Variants in HPS4 observed in about 807,000 individuals in gnomAD.
HPS4 encodes HPS4 biogenesis of lysosomal organelles complex 3 subunit 2, also known as BLOC-3 complex member HPS4.
Under a neutral mutation model 70.3 loss-of-function variants are expected in HPS4, and 44 were observed. That is an observed-to-expected ratio of 0.63 (90% CI 0.49 to 0.80). The LOEUF (loss-of-function observed/expected upper bound fraction) is 0.80, where lower values mean the gene tolerates loss of function less well. Ranked by LOEUF, HPS4 falls within the 30% of genes least tolerant of loss-of-function variation. The probability of loss-of-function intolerance (pLI) is 0.00; values close to 1 mark genes in which losing one functional copy is unlikely to be tolerated. For missense variants in HPS4, 873 were observed against 884.4 expected, an observed-to-expected ratio of 0.99 and a Z score of 0.16; for synonymous variants, 377 against 355.9, an observed-to-expected ratio of 1.06 and a Z score of -0.67.
chr22:26,447,545 T>A (rs148045020), downstream of HPS4, among the ~76,000 whole-genome samples: 4 of 152,244 alleles, frequency 2.6e-5, no homozygotes, highest in East Asian at 7.7e-4. Context: ...AGGTGCTCCA[T>A]ACACATTGTC....
Position 26,483,762 on chromosome 22 carries a change from T to C in HPS4, c.-567A>G, listed in dbSNP as rs991319294. On this transcript the variant is annotated 5_prime_UTR_variant, in exon 1 of 14. Coordinates refer to ENST00000398145, the MANE Select transcript of HPS4 (RefSeq NM_022081.6). ...CTGGGTACCTGCGACTTCTGCCCCG[T>C]ACCTGCGCGCGCGGCAGAGAGGCCT... 22 of 590,296 alleles carry C rather than the reference T, an allele frequency of 3.7e-5. No homozygotes were observed. Among genetic ancestry groups the C allele is most frequent in the African/African-American group, 3.5e-4 (18 of 50,806 alleles). 36.6% of individuals were successfully genotyped at this position (590,296 alleles called of 1,614,324 possible).
At chr22:26,480,637 C>T (rs868510707) in intron 2 of HPS4, among the ~76,000 whole-genome samples, 1 of 152,106 alleles carries the variant, frequency 6.6e-6, no homozygotes, top group Non-Finnish European at 1.5e-5. Context: ...ACCAACTTGG[C>T]TGGGCACAGT....
chr22:26,444,223 C>T (rs374138251), downstream of HPS4: 255 of 147,226 alleles, frequency 1.7e-3, 1 homozygote, highest in African/African-American at 6.2e-3. Context: ...GTTCTGTTGC[C>T]TATGTTTTTT....
intron 4 of HPS4, chr22:26,475,457 A>C (rs1368796973): frequency 3.4e-5 from 5 of 147,150 alleles, no homozygotes; most frequent in African/African-American, 1.3e-4. Flanking sequence ...GGTTCAAGAG[A>C]GTCTCCTGCC....
chr22:26,446,180 A>G (rs1465083447), downstream of HPS4, among the ~76,000 whole-genome samples: 2 of 152,164 alleles, frequency 1.3e-5, no homozygotes, highest in Non-Finnish European at 2.9e-5. Context: ...CTTCCACCCG[A>G]GACAGGCTGG....
downstream of HPS4, among the ~76,000 whole-genome samples, chr22:26,449,959 C>T (rs953480150): frequency 1.3e-5 from 2 of 152,196 alleles, no homozygotes; most frequent in East Asian, 3.8e-4. Flanking sequence ...CCACTTCTTG[C>T]CTTTTCTGGC....
intron 11 of HPS4, among the ~76,000 whole-genome samples, chr22:26,459,864 C>A (rs2146416370): frequency 6.6e-6 from 1 of 152,292 alleles, no homozygotes; most frequent in Middle Eastern, 3.4e-3. Flanking sequence ...TGAAAATAAT[C>A]ATATAAAAGA....
rs1259456937 is a variant in HPS4, at chr22:26,452,003, C to T, written c.*1230G>A. On this transcript the variant is annotated 3_prime_UTR_variant, in exon 14 of 14. Transcript: ENST00000398145. ...CCCACGTTACGCGCGCGCGCGCGCG[C>T]GCACACACACACACACACACACACA... The T allele has an allele frequency of 1.5e-4, 14 of 91,658 alleles. No homozygotes were observed. Among genetic ancestry groups the T allele is most frequent in the East Asian group, 1.3e-3 (6 of 4,596 alleles). The allele number at this position is 91,658 out of a possible 1,614,324, so 5.7% of individuals were successfully genotyped here.
intron 7 of HPS4, 37 bp from the exon 8 acceptor site, chr22:26,468,660 C>A: frequency 6.4e-7 from 1 of 1,573,542 alleles, no homozygotes; most frequent in Non-Finnish European, 8.7e-7. Context: ...CACCATGAGA[C>A]GAAATACACC....
At position 26,472,932 on chromosome 22, in the gene HPS4, C is replaced by T. The variant is rs1217509708; in HGVS notation, c.284G>A (p.Gly95Asp). ...KVDGDYLWVL[G>D]CAVELPDVSC... ...GACATCAGGGAGCTCCACAGCACAG[C>T]CCAGCACCTGTAAAGAGAGAAACCA... Residue 95 changes from glycine to aspartate, a missense_variant, in exon 5 of 14, where the codon GGC becomes GAC. Physicochemically the swap from Gly to Asp is moderately conservative, Grantham distance 94. Coordinates refer to ENST00000398145, the MANE Select transcript of HPS4 (RefSeq NM_022081.6). 6.2e-7 allele frequency: 1 copy of T among 1,614,066 alleles called. No homozygotes were observed. Among genetic ancestry groups the T allele is most frequent in the South Asian group, 1.1e-5 (1 of 91,082 alleles).
rs867992132 is a variant in HPS4, at chr22:26,481,944, C to T, written c.-182G>A. The T allele has an allele frequency of 3.1e-6, 2 of 650,470 alleles. No individual in the cohort carries two copies. The highest frequency in any genetic ancestry group is 1.8e-5 in the African/African-American group (1 of 55,482). 40.3% of individuals were successfully genotyped at this position (650,470 alleles called of 1,614,324 possible). A position where few individuals can be genotyped will look rare whatever the true frequency, so the allele number is the denominator to read the frequency against. ...TCACTCAGCATGGAAAGTTCCACTT[C>T]CCTTCCTTGCAGGTTCTTCAGTTTC... is the stretch of plus-strand genomic sequence containing the variant. On this transcript the variant is annotated 5_prime_UTR_variant, in exon 2 of 14. Transcript: ENST00000398145.
chr22:26,467,016 C>A (rs1195673499), intron 8 of HPS4: 1 of 152,364 alleles, frequency 6.6e-6, no homozygotes, highest in African/African-American at 2.4e-5. Flanking sequence ...AATCCCTCAT[C>A]CCCAAGCTAG....
At chr22:26,480,715 G>A (rs546988849) in intron 2 of HPS4, among the ~76,000 whole-genome samples, 9 of 152,088 alleles carry the variant, frequency 5.9e-5, no homozygotes, top group Admixed American at 3.9e-4. Context: ...TTAGGAGTTC[G>A]AGATTAGCCT....
At chr22:26,459,486 T>A (rs1175079047) in intron 11 of HPS4, among the ~76,000 whole-genome samples, 1 of 152,230 alleles carries the variant, frequency 6.6e-6, no homozygotes, top group Non-Finnish European at 1.5e-5. Flanking sequence ...TATTCTATCA[T>A]ATAATTCTTT....
At chr22:26,473,755 T>G (rs2090161867) in intron 4 of HPS4, among the ~76,000 whole-genome samples, 1 of 151,882 alleles carries the variant, frequency 6.6e-6, no homozygotes, top group Admixed American at 6.6e-5. Flanking sequence ...AAAAAAAAAG[T>G]ACTTGCTGAG....
intron 7 of HPS4, among the ~76,000 whole-genome samples, chr22:26,470,007 G>A (rs5997095): frequency 0.36 from 54,542 of 152,210 alleles, 10,131 homozygotes; most frequent in South Asian, 0.5. Context: ...ATCTGGGGCC[G>A]AGCCTGTCTG....
downstream of HPS4, chr22:26,443,223 G>A (rs1312798219): frequency 6.2e-7 from 1 of 1,610,246 alleles, no homozygotes. Flanking sequence ...TTCCCATGCT[G>A]GAGTCGGCGA....
chr22:26,443,356 C>T (rs562033997), downstream of HPS4: 1 of 628,242 alleles, frequency 1.6e-6, no homozygotes, highest in East Asian at 2.8e-5. Context: ...CATGTCGGGT[C>T]CCTCTTTCCC....
chr22:26,482,317 A>G (rs41281585), intron 1 of HPS4, 77 bp from the exon 2 acceptor site: 1,996 of 156,978 alleles, frequency 0.013, 18 homozygotes, highest in Non-Finnish European at 0.02. Context: ...AACGAATGGT[A>G]TATTTCAAAA....
Sources: allele counts gnomAD v4.1 joint callset (sites outside exome capture counted in the v4.1 genomes callset), GRCh38; gene constraint gnomAD v4.1.1; transcripts MANE v1.5; gene names NCBI Gene and HGNC (gene_info 2026-07-23, HGNC 2026-07-21).